Variants in POU6F2 observed in about 807,000 individuals in gnomAD.
POU6F2 encodes POU class 6 homeobox 2.
In POU6F2, 31 loss-of-function variants were observed where a neutral mutation model predicts 71.3. That is an observed-to-expected ratio of 0.43 (90% CI 0.33 to 0.59). The LOEUF is 0.59. POU6F2 is among the 20% of genes least tolerant of loss of function. The probability of loss-of-function intolerance (pLI) is 0.04; values close to 1 mark genes in which losing one functional copy is unlikely to be tolerated. For synonymous variants in POU6F2, 347 were observed against 355.7 expected, an observed-to-expected ratio of 0.98 and a Z score of 0.27; for missense variants, 783 against 856.8, an observed-to-expected ratio of 0.91 and a Z score of 1.07.
chr7:39,421,364 C>T (rs1787846299), intron 6 of POU6F2, among the ~76,000 whole-genome samples: 1 of 152,138 alleles, frequency 6.6e-6, no homozygotes, highest in Non-Finnish European at 1.5e-5. Flanking sequence ...TTTGCCACAA[C>T]AATGGATATT....
chr7:39,451,409 C>T lies in POU6F2; in HGVS notation c.1321-124C>T, dbSNP rs1405688694. 5 of 1,082,132 alleles carry T rather than the reference C, an allele frequency of 4.6e-6. No individual in the cohort carries two copies. The African/African-American group carries it at 4.8e-5, about 10-fold the overall frequency. The allele number at this position is 1,082,132 out of a possible 1,614,324, so 67.0% of individuals were successfully genotyped here. On this transcript the variant is annotated intron_variant, in intron 7 of 9. Coordinates refer to ENST00000518318, the MANE Select transcript of POU6F2 (RefSeq NM_001370959.1). ...CTGCCTGCTGTGTAGGGTGCGCACT[C>T]TTCCTGAGAAGTATATATTCTTGGA...
intron 4 of POU6F2, among the ~76,000 whole-genome samples, chr7:39,248,958 A>G (rs2128752486): frequency 6.6e-6 from 1 of 152,266 alleles, no homozygotes; most frequent in African/African-American, 2.4e-5. Context: ...CTCACCCCCA[A>G]GGAGCTTTCT....
intron 7 of POU6F2, among the ~76,000 whole-genome samples, chr7:39,437,761 G>C (rs1228922739): frequency 6.6e-6 from 1 of 152,050 alleles, no homozygotes; most frequent in Non-Finnish European, 1.5e-5. Flanking sequence ...AGCATTTAGT[G>C]GTATAAATTT....
chr7:39,192,100 A>G (rs1364569609), intron 2 of POU6F2, among the ~76,000 whole-genome samples: 1 of 152,136 alleles, frequency 6.6e-6, no homozygotes, highest in Non-Finnish European at 1.5e-5. Flanking sequence ...TTCCTGATCA[A>G]TTTTGTGGTG....
chr7:39,011,283 CTTCT>C (rs1259719909), intron 1 of POU6F2, among the ~76,000 whole-genome samples: 4 of 150,052 alleles, frequency 2.7e-5, no homozygotes, highest in African/African-American at 9.8e-5. Context: ...ATGTAATGGC[CTTCT>C]TTGTCTCTTT....
chr7:39,029,496 G>C (rs939038924), intron 1 of POU6F2, among the ~76,000 whole-genome samples: 31 of 151,710 alleles, frequency 2.0e-4, no homozygotes, highest in Non-Finnish European at 3.7e-4. Context: ...TTCTGGGAGG[G>C]GGGGGTGGAT....
At chr7:39,313,662 G>A (rs979210464) in intron 4 of POU6F2, among the ~76,000 whole-genome samples, 1 of 152,026 alleles carries the variant, frequency 6.6e-6, no homozygotes, top group Non-Finnish European at 1.5e-5. Context: ...GCAGTTAAAC[G>A]GAGGGGTCTG....
At chr7:39,290,163 A>G (rs545598592) in intron 4 of POU6F2, among the ~76,000 whole-genome samples, 17 of 152,216 alleles carry the variant, frequency 1.1e-4, no homozygotes, top group Non-Finnish European at 1.9e-4. Context: ...AATCCATTTC[A>G]TATTTTGGGT....
chr7:39,195,997 G>C (rs1255728582), intron 2 of POU6F2, among the ~76,000 whole-genome samples: 1 of 152,108 alleles, frequency 6.6e-6, no homozygotes, highest in African/African-American at 2.4e-5. Context: ...CATTTTTCAA[G>C]CACATTTAAA....
chr7:39,452,471 T>C (rs1788684519), intron 8 of POU6F2, among the ~76,000 whole-genome samples: 1 of 152,200 alleles, frequency 6.6e-6, no homozygotes, highest in Non-Finnish European at 1.5e-5. Flanking sequence ...GTGCATAGAT[T>C]GCAATTCACC....
chr7:39,207,493 G>C lies in POU6F2; in HGVS notation c.471G>C (p.Ala157=), dbSNP rs1283569251. 1.2e-6 allele frequency: 2 copies of C among 1,613,978 alleles called. No individual in the cohort carries two copies. Among genetic ancestry groups the C allele is most frequent in the Admixed American group, 3.3e-5 (2 of 60,018 alleles). ...NQPILIPFNM[A]GQLGGQQGLV... ...CAATCCTCATTCCCTTCAACATGGC[G>C]GGACAGCTAGGAGGCCAGCAAGGAC... The change falls in exon 4 of 10, where the codon GCG becomes GCC. Residue 157 remains alanine, a synonymous_variant. Transcript: ENST00000518318.
rs1227445271 is a variant in POU6F2 at position 39,369,289 on chromosome 7, C to T, written c.972+29274C>T. On this transcript the variant is annotated intron_variant, in intron 5 of 9. Coordinates refer to ENST00000518318, the MANE Select transcript of POU6F2 (RefSeq NM_001370959.1). Reference sequence around the variant, plus strand: ...TCTGTCAGTCAGCAGCCATCAACATCGAGGCAAGACCCTCCATCAGCAAAA... The same window carrying T: ...TCTGTCAGTCAGCAGCCATCAACATTGAGGCAAGACCCTCCATCAGCAAAA... 2.6e-5 allele frequency among the ~76,000 whole-genome samples: 4 copies of T among 152,096 alleles called. No individual in the cohort carries two copies. The East Asian group carries it at 5.8e-4, about 22-fold the overall frequency.
At chr7:39,404,403 TA>T (rs1787372073) in intron 5 of POU6F2, among the ~76,000 whole-genome samples, 1 of 152,258 alleles carries the variant, frequency 6.6e-6, no homozygotes, top group Non-Finnish European at 1.5e-5. Context: ...TAATTTCCTA[TA>T]TGAATTTTTG....
chr7:39,204,151 A>G (rs4507668), intron 2 of POU6F2, 84 bp from the exon 3 acceptor site: 903,706 of 1,142,402 alleles, frequency 0.79, 360,391 homozygotes, highest in East Asian at 1. Context: ...CCACTCTGTC[A>G]TATCATCTAT....
intron 6 of POU6F2, among the ~76,000 whole-genome samples, chr7:39,422,629 T>C (rs1183620635): frequency 1.3e-5 from 2 of 152,332 alleles, no homozygotes; most frequent in Non-Finnish European, 2.9e-5. Flanking sequence ...AGGTTATGAC[T>C]GTGGTGCGGC....
At position 39,150,462 on chromosome 7, in the gene POU6F2, ATTTT is replaced by A. The variant is rs1263641232; in HGVS notation, c.278-53754_278-53751del. Among the ~76,000 whole-genome samples, 159 of 99,286 alleles carry A rather than the reference ATTTT, an allele frequency of 1.6e-3. 1 individual carries two copies. The highest frequency in any genetic ancestry group is 6.8e-3 in the Middle Eastern group (1 of 146). 65.1% of individuals were successfully genotyped at this position (99,286 alleles called of 152,430 possible). ...TTGTATAACAGCTGTACCAAGCTAC[ATTTT>A]TTTTTTTTTTTTTTTTTTGAGACAG... is the stretch of plus-strand genomic sequence containing the variant. On this transcript the variant is annotated intron_variant, in intron 2 of 9. Coordinates refer to ENST00000518318, the MANE Select transcript of POU6F2 (RefSeq NM_001370959.1).
intron 4 of POU6F2, among the ~76,000 whole-genome samples, chr7:39,258,643 T>C (rs1784070728): frequency 6.6e-6 from 1 of 151,924 alleles, no homozygotes; most frequent in Admixed American, 6.6e-5. Flanking sequence ...AGGTGTAAAA[T>C]TCACCAATAG....
chr7:39,128,062 C>T (rs895273749), intron 2 of POU6F2, among the ~76,000 whole-genome samples: 5 of 151,624 alleles, frequency 3.3e-5, no homozygotes, highest in African/African-American at 4.8e-5. Flanking sequence ...AGGATGGTCT[C>T]GATCCCCTGA....
At chr7:39,391,527 G>C (rs544209118) in intron 5 of POU6F2, among the ~76,000 whole-genome samples, 3 of 152,150 alleles carry the variant, frequency 2.0e-5, no homozygotes, top group African/African-American at 7.2e-5. Flanking sequence ...AAAAATCAAA[G>C]TATGAGTAAA....
Sources: gnomAD v4.1 joint callset for allele counts (sites outside exome capture counted in the v4.1 genomes callset) on GRCh38, gnomAD v4.1.1 for gene constraint, MANE v1.5 for transcripts, NCBI Gene and HGNC (gene_info 2026-07-23, HGNC 2026-07-21) for gene names.